Variants in BIRC3 observed in about 807,000 individuals in gnomAD.
The protein encoded by BIRC3 is baculoviral IAP repeat-containing protein 3.
Under a neutral mutation model 59.0 loss-of-function variants are expected in BIRC3, and 26 were observed. That is an observed-to-expected ratio of 0.44 (90% CI 0.32 to 0.61). The LOEUF (loss-of-function observed/expected upper bound fraction) is 0.61, where lower values mean the gene tolerates loss of function less well. Among genes scored for constraint, BIRC3 ranks in the 20% least tolerant of loss-of-function variants. The probability of loss-of-function intolerance (pLI) is 0.04; values close to 1 mark genes in which losing one functional copy is unlikely to be tolerated. For missense variants in BIRC3, 641 were observed against 711.5 expected (o/e 0.90, Z 1.13); for synonymous variants, 243 against 249.2 (o/e 0.98, Z 0.24).
chr11:102,324,629 T>C lies in BIRC3; in HGVS notation c.120T>C (p.Pro40=). ...GAATGTCTACGTATTCCACTTTTCC[T>C]GCTGGGGTTCCTGTCTCAGAAAGGA... ...LYRMSTYSTF[P]AGVPVSERSL... The change falls in exon 2 of 9, where the codon CCT becomes CCC. Residue 40 remains proline, a synonymous_variant. Coordinates refer to ENST00000263464, the MANE Select transcript of BIRC3 (RefSeq NM_001165.5). The C allele has an allele frequency of 6.2e-7, 1 of 1,614,202 alleles. No homozygotes were observed.
In BIRC3 at chr11:102,322,192, A is replaced by G. The variant is rs878944899; in HGVS notation, c.-2318A>G. 5.3e-5 allele frequency: 11 copies of G among 206,826 alleles called. No individual in the cohort carries two copies. In the South Asian group the frequency reaches 1.9e-3, roughly 35 times the overall value. The allele number at this position is 206,826 out of a possible 1,614,324, so 12.8% of individuals were successfully genotyped here. A position where few individuals can be genotyped will look rare whatever the true frequency, so the allele number is the denominator to read the frequency against. On this transcript the variant is annotated 5_prime_UTR_variant, in exon 2 of 9. Coordinates refer to ENST00000263464, the MANE Select transcript of BIRC3 (RefSeq NM_001165.5). ...CATTCTCCCATTATGTAGAATAGAA[A>G]TAGTACCTGTGTTTGGGAAAGATTT...
chr11:102,332,283 C>T (rs1318200183), intron 6 of BIRC3, among the ~76,000 whole-genome samples: 2 of 152,220 alleles, frequency 1.3e-5, no homozygotes, highest in East Asian at 1.9e-4. Context: ...TGGACCAGAC[C>T]TATAAGTCCC....
At chr11:102,335,493 T>C (rs1025626193) in intron 6 of BIRC3, among the ~76,000 whole-genome samples, 9 of 152,174 alleles carry the variant, frequency 5.9e-5, no homozygotes, top group Non-Finnish European at 1.3e-4. Context: ...GCAACTTAAT[T>C]GCCTCACTGC....
chr11:102,336,366 T>C, intron 7 of BIRC3, 146 bp downstream of exon 7: 2 of 933,494 alleles, frequency 2.1e-6, no homozygotes, highest in Non-Finnish European at 3.1e-6. Flanking sequence ...CTGAGGCAGG[T>C]GGATTGCTTG....
intron 5 of BIRC3, among the ~76,000 whole-genome samples, chr11:102,329,940 T>TA (rs770174022): frequency 3.0e-3 from 213 of 71,180 alleles, no homozygotes; most frequent in Middle Eastern, 8.6e-3. Flanking sequence ...GTAAAATAAT[T>TA]TAAAAAAAGG....
intron 5 of BIRC3, among the ~76,000 whole-genome samples, chr11:102,330,792 G>T (rs1951130203): frequency 6.6e-6 from 1 of 152,046 alleles, no homozygotes; most frequent in Non-Finnish European, 1.5e-5. Flanking sequence ...TTGCATCTAA[G>T]TACAATATTC....
rs768189568 is a variant in BIRC3 at position 102,325,055 on chromosome 11, T to C, written c.546T>C (p.Thr182=). The part of the protein sequence containing the change: ...RLLTFQTWPL[T]FLSPTDLAKA... ...TTACTTTTCAGACATGGCCATTGAC[T>C]TTTCTGTCGCCAACAGATCTGGCAA... The change falls in exon 2 of 9, where the codon ACT becomes ACC. Residue 182 remains threonine, a synonymous_variant. Coordinates refer to ENST00000263464, the MANE Select transcript of BIRC3 (RefSeq NM_001165.5). 2 of 1,614,186 alleles carry C rather than the reference T, an allele frequency of 1.2e-6. No individual in the cohort carries two copies. The highest frequency in any genetic ancestry group is 1.1e-5 in the South Asian group (1 of 91,086).
rs1016568838 is a variant in BIRC3, at chr11:102,324,441, A to G, written c.-69A>G. 18 of 1,507,268 alleles carry G rather than the reference A, an allele frequency of 1.2e-5. No homozygotes were observed. Among genetic ancestry groups the G allele is most frequent in the Middle Eastern group, 1.8e-4 (1 of 5,584 alleles). The allele number at this position is 1,507,268 out of a possible 1,614,324, so 93.4% of individuals were successfully genotyped here. A position where few individuals can be genotyped will look rare whatever the true frequency, so the allele number is the denominator to read the frequency against. On this transcript the variant is annotated 5_prime_UTR_variant, in exon 2 of 9. Coordinates refer to ENST00000263464, the MANE Select transcript of BIRC3 (RefSeq NM_001165.5). ...TCAGCCTAGTATTAAAACTGATAAA[A>G]GCAAAGCCATGCACAAAACTACCTC... is the stretch of plus-strand genomic sequence containing the variant.
Position 102,338,854 on chromosome 11 carries a change from C to T in BIRC3, c.*1752C>T, listed in dbSNP as rs189021228. 4.5e-6 allele frequency: 1 copy of T among 223,180 alleles called. No homozygotes were observed. Among genetic ancestry groups the T allele is most frequent in the East Asian group, 6.5e-5 (1 of 15,414 alleles). 13.8% of individuals were successfully genotyped at this position (223,180 alleles called of 1,614,324 possible). ...GGAAGAGGAATTCAAGTTTCTGTGG[C>T]TTGCCTTCAGGGAGAATGAGGCTGA... is the stretch of plus-strand genomic sequence containing the variant. On this transcript the variant is annotated 3_prime_UTR_variant, in exon 9 of 9. Transcript: ENST00000263464.
At chr11:102,333,621 C>T (rs1852372839) in intron 6 of BIRC3, among the ~76,000 whole-genome samples, 1 of 151,328 alleles carries the variant, frequency 6.6e-6, no homozygotes, top group Non-Finnish European at 1.5e-5. Context: ...TAATAATATG[C>T]TTCAAAGGCA....
intron 6 of BIRC3, among the ~76,000 whole-genome samples, chr11:102,331,512 C>G (rs1034386615): frequency 6.6e-6 from 1 of 151,996 alleles, no homozygotes; most frequent in Non-Finnish European, 1.5e-5. Context: ...GACGTTGTGT[C>G]CAATTATGCA....
At chr11:102,333,178 C>T (rs540396453) in intron 6 of BIRC3, among the ~76,000 whole-genome samples, 1 of 152,116 alleles carries the variant, frequency 6.6e-6, no homozygotes, top group African/African-American at 2.4e-5. Context: ...TGAATGAAAA[C>T]ACATTTAGGT....
In BIRC3 at chr11:102,322,686, T is replaced by C. The variant is rs1206109002; in HGVS notation, c.-1824T>C. On this transcript the variant is annotated 5_prime_UTR_variant, in exon 2 of 9. Coordinates refer to ENST00000263464, the MANE Select transcript of BIRC3 (RefSeq NM_001165.5). ...ATTGTTGGTAATGAGATGTGATGTTTCTCCTGCCACCTGGAAACAAAGCAT... is the reference window on the plus strand; with the variant it reads ...ATTGTTGGTAATGAGATGTGATGTTCCTCCTGCCACCTGGAAACAAAGCAT... The C allele has an allele frequency of 9.6e-6, 2 of 207,862 alleles. No homozygotes were observed. Among genetic ancestry groups the C allele is most frequent in the African/African-American group, 4.6e-5 (2 of 43,804 alleles). The allele number at this position is 207,862 out of a possible 1,614,324, so 12.9% of individuals were successfully genotyped here.
chr11:102,329,029 C>G (rs964832334), intron 5 of BIRC3, 84 bp downstream of exon 5: 1 of 794,924 alleles, frequency 1.3e-6, no homozygotes, highest in African/African-American at 1.9e-5. Context: ...AGTAATGTAC[C>G]TGTATATTGA....
chr11:102,318,839 G>C (rs916556877), intron 1 of BIRC3, among the ~76,000 whole-genome samples: 1 of 152,192 alleles, frequency 6.6e-6, no homozygotes, highest in Non-Finnish European at 1.5e-5. Flanking sequence ...CCCAGTGTCA[G>C]ATGCAAACAT....
intron 5 of BIRC3, 56 bp downstream of exon 5, chr11:102,329,001 A>G: frequency 9.7e-7 from 1 of 1,026,518 alleles, no homozygotes; most frequent in Non-Finnish European, 1.4e-6. Context: ...GGTACTGTTA[A>G]TATTGAAAGT....
chr11:102,327,647 A>C (rs569151156), intron 3 of BIRC3, among the ~76,000 whole-genome samples: 1 of 152,134 alleles, frequency 6.6e-6, no homozygotes, highest in Non-Finnish European at 1.5e-5. Context: ...CTAAAAAAAA[A>C]AAAATTAGCA....
intron 5 of BIRC3, among the ~76,000 whole-genome samples, chr11:102,329,792 AG>A (rs1289581082): frequency 6.6e-6 from 1 of 152,238 alleles, no homozygotes; most frequent in East Asian, 1.9e-4. Context: ...GTTGTGGGGT[AG>A]GGGGATGTGG....
In BIRC3 at chr11:102,323,846, A is replaced by C. The variant is rs1951055770; in HGVS notation, c.-664A>C. ...TATTTTACGTACCTCTAAGAAATAA[A>C]AGTGCTTCTAATTAAAATATGATGT... On this transcript the variant is annotated 5_prime_UTR_variant, in exon 2 of 9. Coordinates refer to ENST00000263464, the MANE Select transcript of BIRC3 (RefSeq NM_001165.5). 5.0e-6 allele frequency: 1 copy of C among 200,970 alleles called. No homozygotes were observed. The highest frequency in any genetic ancestry group is 2.3e-5 in the African/African-American group (1 of 43,520). 12.4% of individuals were successfully genotyped at this position (200,970 alleles called of 1,614,324 possible). A position where few individuals can be genotyped will look rare whatever the true frequency, so the allele number is the denominator to read the frequency against.
Sources: gnomAD v4.1 joint callset for allele counts (sites outside exome capture counted in the v4.1 genomes callset) on GRCh38, gnomAD v4.1.1 for gene constraint, MANE v1.5 for transcripts, NCBI Gene and HGNC (gene_info 2026-07-23, HGNC 2026-07-21) for gene names.